Variants in IQCJ observed in about 807,000 individuals in gnomAD.
IQCJ encodes the protein IQ domain-containing protein J.
In IQCJ, 9 loss-of-function variants were observed where a neutral mutation model predicts 11.0. The observed-to-expected ratio is 0.82, with a 90% CI of 0.49 to 1.43. IQCJ has a LOEUF of 1.43. IQCJ is among the 40% of genes most tolerant of loss of function. The pLI, the probability that IQCJ is intolerant of heterozygous loss-of-function variation, is 0.00. For synonymous variants in IQCJ, 55 were observed against 51.3 expected (o/e 1.07, Z -0.31); for missense variants, 146 against 133.2 (o/e 1.10, Z -0.47).
chr3:159,192,192 G>T (rs1369106839), intron 1 of IQCJ, among the ~76,000 whole-genome samples: 1 of 152,032 alleles, frequency 6.6e-6, no homozygotes, highest in Non-Finnish European at 1.5e-5. Context: ...GCTTCTTTAG[G>T]CATACTCTCC....
intron 1 of IQCJ, among the ~76,000 whole-genome samples, chr3:159,198,103 T>C (rs558493820): frequency 8.8e-4 from 134 of 152,298 alleles, no homozygotes; most frequent in Non-Finnish European, 1.7e-3. Flanking sequence ...AAGTGCTTTC[T>C]AGCAATCTCT....
At chr3:159,135,171 T>A (rs1426318836) in intron 1 of IQCJ, among the ~76,000 whole-genome samples, 1 of 152,228 alleles carries the variant, frequency 6.6e-6, no homozygotes, top group Non-Finnish European at 1.5e-5. Flanking sequence ...CTAGATTTTT[T>A]GCTTAAGCTT....
At chr3:159,129,098 G>T (rs147550770) in intron 1 of IQCJ, among the ~76,000 whole-genome samples, 1 of 152,042 alleles carries the variant, frequency 6.6e-6, no homozygotes, top group African/African-American at 2.4e-5. Context: ...TAACAACATT[G>T]ATAATTTGGA....
chr3:159,241,042 C>T (rs997987361), intron 1 of IQCJ, among the ~76,000 whole-genome samples: 2 of 152,190 alleles, frequency 1.3e-5, no homozygotes, highest in African/African-American at 4.8e-5. Flanking sequence ...GGTAACTTCT[C>T]AGGATTCTTT....
At chr3:159,122,467 C>T (rs1452493572) in intron 1 of IQCJ, among the ~76,000 whole-genome samples, 1 of 152,198 alleles carries the variant, frequency 6.6e-6, no homozygotes, top group Non-Finnish European at 1.5e-5. Context: ...TACTTGACTT[C>T]CCTCGCACAT....
intron 1 of IQCJ, among the ~76,000 whole-genome samples, chr3:159,071,089 A>G (rs1189953966): frequency 2.0e-5 from 3 of 151,978 alleles, no homozygotes; most frequent in Non-Finnish European, 2.9e-5. Flanking sequence ...AGCATCCAAG[A>G]TCTAATATTT....
intron 1 of IQCJ, among the ~76,000 whole-genome samples, chr3:159,200,680 C>T (rs1020659579): frequency 6.6e-6 from 1 of 152,192 alleles, no homozygotes; most frequent in African/African-American, 2.4e-5. Context: ...TGGAAGAGAA[C>T]ATCTAATTCA....
chr3:159,182,603 G>A (rs1281017047), intron 1 of IQCJ, among the ~76,000 whole-genome samples: 2 of 151,834 alleles, frequency 1.3e-5, no homozygotes, highest in Admixed American at 1.3e-4. Context: ...ACTCTAAGGG[G>A]GTGCACGTGA....
intron 1 of IQCJ, among the ~76,000 whole-genome samples, chr3:159,212,192 A>C (rs528327900): frequency 6.6e-6 from 1 of 152,188 alleles, no homozygotes; most frequent in Non-Finnish European, 1.5e-5. Context: ...ATCCCCCTGC[A>C]TTAGCTGAAT....
At chr3:159,093,796 A>C (rs1717518410) in intron 1 of IQCJ, among the ~76,000 whole-genome samples, 1 of 151,912 alleles carries the variant, frequency 6.6e-6, no homozygotes, top group South Asian at 2.1e-4. Flanking sequence ...AGAGAAGTGC[A>C]GAACAAAGGG....
At chr3:159,117,625 G>T (rs1719107570) in intron 1 of IQCJ, among the ~76,000 whole-genome samples, 1 of 152,148 alleles carries the variant, frequency 6.6e-6, no homozygotes, top group Non-Finnish European at 1.5e-5. Flanking sequence ...TCTGGTTCTG[G>T]TTCTGGATCT....
chr3:159,164,774 C>G (rs149939461), intron 1 of IQCJ, among the ~76,000 whole-genome samples: 18 of 152,148 alleles, frequency 1.2e-4, no homozygotes, highest in East Asian at 1.2e-3. Flanking sequence ...TCCCCTCCCC[C>G]CCAAAAAAGA....
intron 1 of IQCJ, among the ~76,000 whole-genome samples, chr3:159,139,752 C>A (rs186916660): frequency 1.7e-4 from 26 of 152,302 alleles, no homozygotes; most frequent in African/African-American, 5.5e-4. Context: ...AAGCACCGGG[C>A]AAGGAGGTGG....
chr3:159,163,495 T>G (rs1233320008), intron 1 of IQCJ, among the ~76,000 whole-genome samples: 1 of 149,668 alleles, frequency 6.7e-6, no homozygotes, highest in Non-Finnish European at 1.5e-5. Flanking sequence ...CTGGAAGCAT[T>G]CCCTTTGAAA....
intron 1 of IQCJ, among the ~76,000 whole-genome samples, chr3:159,143,059 T>C (rs1560001255): frequency 1.3e-5 from 2 of 152,218 alleles, no homozygotes; most frequent in Admixed American, 6.5e-5. Context: ...GTTGCTGCAT[T>C]TTTTAACCAT....
intron 1 of IQCJ, among the ~76,000 whole-genome samples, chr3:159,086,222 G>T (rs1162136627): frequency 3.9e-5 from 6 of 152,134 alleles, no homozygotes. Context: ...AGATCAGATA[G>T]TTGTAGATAT....
chr3:159,095,237 T>A (rs1457695475), intron 1 of IQCJ, among the ~76,000 whole-genome samples: 1 of 152,020 alleles, frequency 6.6e-6, no homozygotes, highest in East Asian at 1.9e-4. Flanking sequence ...AATCACAATC[T>A]TAATTTTTAA....
At position 159,262,810 on chromosome 3, in the gene IQCJ, A is replaced by G; in HGVS notation, c.*79A>G. The G allele has an allele frequency of 4.6e-6, 7 of 1,512,014 alleles. No homozygotes were observed. Among genetic ancestry groups the G allele is most frequent in the Non-Finnish European group, 4.4e-6 (5 of 1,126,184 alleles). The allele number at this position is 1,512,014 out of a possible 1,614,324, so 93.7% of individuals were successfully genotyped here. ...GTGACAGTGAAGATCTATGTAGCTT[A>G]TTTGCTACCCAGGAACCCATGGTGA... On this transcript the variant is annotated 3_prime_UTR_variant, in exon 4 of 4. Transcript: ENST00000397832.
intron 1 of IQCJ, among the ~76,000 whole-genome samples, chr3:159,127,863 A>G (rs1719769929): frequency 6.6e-6 from 1 of 152,210 alleles, no homozygotes; most frequent in South Asian, 2.1e-4. Flanking sequence ...CATGTACCAA[A>G]GATTTTGCTG....
Sources: allele counts gnomAD v4.1 joint callset (sites outside exome capture counted in the v4.1 genomes callset), GRCh38; gene constraint gnomAD v4.1.1; transcripts MANE v1.5; gene names NCBI Gene and HGNC (gene_info 2026-07-23, HGNC 2026-07-21).